MARK2: variants seen among roughly 807,000 people sequenced by gnomAD.
MARK2 encodes the protein microtubule affinity regulating kinase 2.
Under a neutral mutation model 89.8 loss-of-function variants are expected in MARK2, and 16 were observed. That is an observed-to-expected ratio of 0.18 (90% CI 0.12 to 0.27). The LOEUF (loss-of-function observed/expected upper bound fraction) is 0.27, where lower values mean the gene tolerates loss of function less well. MARK2 is among the 10% of genes least tolerant of loss of function. The pLI, the probability that MARK2 is intolerant of heterozygous loss-of-function variation, is 1.00. For missense variants in MARK2, 621 were observed against 1,049.9 expected, an observed-to-expected ratio of 0.59 and a Z score of 5.65; for synonymous variants, 382 against 399.5, an observed-to-expected ratio of 0.96 and a Z score of 0.52.
At chr11:63,854,549 T>C (rs563528772) in intron 1 of MARK2, among the ~76,000 whole-genome samples, 1 of 151,820 alleles carries the variant, frequency 6.6e-6, no homozygotes, top group East Asian at 2.0e-4. Flanking sequence ...TAAAGGTCTC[T>C]TTAGGCCAGG....
chr11:63,878,161 T>C (rs942873792), intron 1 of MARK2, among the ~76,000 whole-genome samples: 2 of 152,164 alleles, frequency 1.3e-5, no homozygotes, highest in African/African-American at 2.4e-5. Flanking sequence ...TTGCAGGTTG[T>C]CTTTTCTCCT....
At chr11:63,845,307 C>G (rs1020395486) in intron 1 of MARK2, among the ~76,000 whole-genome samples, 1 of 152,118 alleles carries the variant, frequency 6.6e-6, no homozygotes, top group Non-Finnish European at 1.5e-5. Context: ...TCCCCACTTT[C>G]CCATCAAAGC....
At chr11:63,906,327 ACAGG>A (rs1439059502) in intron 17 of MARK2, among the ~76,000 whole-genome samples, 1 of 152,132 alleles carries the variant, frequency 6.6e-6, no homozygotes, top group East Asian at 1.9e-4. Context: ...CCCAGTACAA[ACAGG>A]CAGGGCTAAG....
intron 1 of MARK2, among the ~76,000 whole-genome samples, chr11:63,857,877 C>T (rs1367844843): frequency 6.6e-6 from 1 of 151,864 alleles, no homozygotes; most frequent in Non-Finnish European, 1.5e-5. Flanking sequence ...AGTTCTCATT[C>T]TGTCACCCGG....
intron 1 of MARK2, among the ~76,000 whole-genome samples, chr11:63,840,757 C>T (rs1479245587): frequency 6.6e-6 from 1 of 152,172 alleles, no homozygotes; most frequent in Non-Finnish European, 1.5e-5. Flanking sequence ...CATTCTGTTC[C>T]TATTGGCTAA....
At chr11:63,880,786 G>A (rs930887608) in intron 1 of MARK2, among the ~76,000 whole-genome samples, 1 of 152,190 alleles carries the variant, frequency 6.6e-6, no homozygotes, top group Admixed American at 6.5e-5. Context: ...GCTCACCTTG[G>A]TGATCACTCA....
intron 1 of MARK2, among the ~76,000 whole-genome samples, chr11:63,841,570 A>G (rs936724453): frequency 2.0e-5 from 3 of 152,106 alleles, no homozygotes; most frequent in Non-Finnish European, 4.4e-5. Flanking sequence ...TATTCCACCC[A>G]TTTTCCTCTC....
intron 1 of MARK2, among the ~76,000 whole-genome samples, chr11:63,874,584 T>A (rs562509673): frequency 6.6e-6 from 1 of 152,360 alleles, no homozygotes; most frequent in South Asian, 2.1e-4. Flanking sequence ...GAGAGATTTC[T>A]GCTTTATATT....
At chr11:63,877,300 G>A (rs1487557051) in intron 1 of MARK2, among the ~76,000 whole-genome samples, 1 of 151,428 alleles carries the variant, frequency 6.6e-6, no homozygotes, top group African/African-American at 2.4e-5. Flanking sequence ...TAGTAGAGAT[G>A]GGGTTTCATC....
At chr11:63,895,060 G>T in intron 1 of MARK2, 99 bp from the exon 2 acceptor site, 1 of 942,992 alleles carries the variant, frequency 1.1e-6, no homozygotes, top group South Asian at 1.6e-5. Flanking sequence ...CAGCCCCCTG[G>T]AATCTGCCCC....
At chr11:63,858,506 A>T (rs2135231761) in intron 1 of MARK2, among the ~76,000 whole-genome samples, 1 of 152,200 alleles carries the variant, frequency 6.6e-6, no homozygotes, top group African/African-American at 2.4e-5. Flanking sequence ...GGCATGCGCC[A>T]CCACACCCGG....
Position 63,899,961 on chromosome 11 carries a change from G to C in MARK2, c.619G>C (p.Asp207His). 6.2e-7 allele frequency: 1 copy of C among 1,614,196 alleles called. No homozygotes were observed. The highest frequency in any genetic ancestry group is 8.5e-7 in the Non-Finnish European group (1 of 1,180,036). Residue 207 changes from aspartate (D) to histidine (H), a missense_variant, in exon 8 of 19, where the codon GAC becomes CAC. Transcript: ENST00000402010. ...SNEFTFGNKL[D>H]TFCGSPPYAA... ...TGAATTCACCTTTGGGAACAAGCTG[G>C]ACACCTTCTGTGGCAGTCCCCCTTA...
intron 1 of MARK2, among the ~76,000 whole-genome samples, chr11:63,860,774 C>T (rs1305085463): frequency 3.9e-5 from 6 of 152,000 alleles, no homozygotes; most frequent in Non-Finnish European, 7.4e-5. Context: ...AGGAGAATCA[C>T]TTGAACCCAG....
chr11:63,869,403 C>T (rs1199905841), intron 1 of MARK2: 1 of 160,870 alleles, frequency 6.2e-6, no homozygotes, highest in Non-Finnish European at 1.4e-5. Context: ...CTAGGTGTGC[C>T]ACTTACCTTA....
At chr11:63,908,479 G>A (rs765010045) in intron 18 of MARK2, among the ~76,000 whole-genome samples, 175 bp downstream of exon 18, 17 of 152,320 alleles carry the variant, frequency 1.1e-4, no homozygotes, top group Middle Eastern at 3.4e-3. Flanking sequence ...AATTGCAGGA[G>A]TTACGGGCCC....
intron 1 of MARK2, among the ~76,000 whole-genome samples, chr11:63,841,323 G>A (rs1033726727): frequency 1.3e-5 from 2 of 152,186 alleles, no homozygotes; most frequent in African/African-American, 4.8e-5. Context: ...TTCTCTGCAG[G>A]GTTGACCCTT....
chr11:63,894,573 G>A (rs1409226368), intron 1 of MARK2, among the ~76,000 whole-genome samples: 1 of 152,204 alleles, frequency 6.6e-6, no homozygotes, highest in African/African-American at 2.4e-5. Context: ...GCGCATGACT[G>A]TAATCCCAGC....
intron 1 of MARK2, among the ~76,000 whole-genome samples, chr11:63,857,795 G>T (rs1042231978): frequency 2.6e-5 from 4 of 152,070 alleles, no homozygotes; most frequent in Non-Finnish European, 4.4e-5. Context: ...CATGGTTGTA[G>T]ACAAAACTTG....
At chr11:63,864,513 G>A (rs1938018444) in intron 1 of MARK2, among the ~76,000 whole-genome samples, 1 of 151,926 alleles carries the variant, frequency 6.6e-6, no homozygotes, top group Admixed American at 6.5e-5. Flanking sequence ...GCCTGCCTCA[G>A]CCTCCCAGAG....
Sources: allele counts gnomAD v4.1 joint callset (sites outside exome capture counted in the v4.1 genomes callset), GRCh38; gene constraint gnomAD v4.1.1; transcripts MANE v1.5; gene names NCBI Gene and HGNC (gene_info 2026-07-23, HGNC 2026-07-21).